The following TMEM170A variants were observed in gnomAD, a reference collection of about 807,000 sequenced individuals.
TMEM170A encodes the protein transmembrane protein 170.
In TMEM170A, 18 loss-of-function variants were observed where a neutral mutation model predicts 12.8. The ratio of observed to expected loss-of-function variants is 1.41; its 90% confidence interval spans 0.97 to 2.09. The LOEUF (loss-of-function observed/expected upper bound fraction) is 2.09. Ranked by LOEUF, TMEM170A falls within the 30% of genes most tolerant of loss-of-function variation. TMEM170A has a pLI of 0.00. For missense variants in TMEM170A, 220 were observed against 179.9 expected (o/e 1.22, Z -1.28); for synonymous variants, 107 against 76.2 (o/e 1.40, Z -2.11).
rs965020303 is a variant in TMEM170A at position 75,464,666 on chromosome 16, A to C, written c.-66T>G. 5 of 1,524,916 alleles carry C rather than the reference A, an allele frequency of 3.3e-6. No homozygotes were observed. The highest frequency in any genetic ancestry group is 2.9e-5 in the African/African-American group (2 of 69,326). 94.5% of individuals were successfully genotyped at this position (1,524,916 alleles called of 1,614,324 possible). A position where few individuals can be genotyped will look rare whatever the true frequency, so the allele number is the denominator to read the frequency against. On this transcript the variant is annotated 5_prime_UTR_variant, in exon 1 of 3. Coordinates refer to ENST00000561878, the MANE Select transcript of TMEM170A (RefSeq NM_145254.3). Reference sequence around the variant, plus strand: ...CGAAGTGCGGTAGCGGCCGGCGCCGACTCACCCTCGCCGCCTCAGCGTCAC... The same window carrying C: ...CGAAGTGCGGTAGCGGCCGGCGCCGCCTCACCCTCGCCGCCTCAGCGTCAC...
Position 75,464,513 on chromosome 16 carries a change from T to C in TMEM170A, c.88A>G (p.Asn30Asp), listed in dbSNP as rs375906140. The C allele has an allele frequency of 4.5e-5, 71 of 1,585,550 alleles. No individual in the cohort carries two copies. The highest frequency in any genetic ancestry group is 5.7e-5 in the Non-Finnish European group (67 of 1,168,632). Residue 30 changes from asparagine to aspartate, a missense_variant, in exon 1 of 3, where the codon AAC becomes GAC. Physicochemically the swap from Asn to Asp is conservative, Grantham distance 23. Transcript: ENST00000561878. ...LSLKVVPRVG[N>D]GTLCPNSTSL... The stretch of plus-strand genomic sequence containing the variant: ...GTAGAGTTGGGGCACAGGGTCCCGT[T>C]GCCCACCCGCGGCACAACCTTCAGG...
rs1483993079 is a variant in TMEM170A, at chr16:75,443,125, A to G, written c.*4433T>C. ...ATCATAAATTAGTAAGAAGTAGAAC[A>G]TAAAAAAAGTTACACATGCTAGATA... On this transcript the variant is annotated 3_prime_UTR_variant, in exon 3 of 3. Coordinates refer to ENST00000561878, the MANE Select transcript of TMEM170A (RefSeq NM_145254.3). 1 of 152,210 alleles carries G rather than the reference A, an allele frequency of 6.6e-6. No individual in the cohort carries two copies. The highest frequency in any genetic ancestry group is 1.5e-5 in the Non-Finnish European group (1 of 68,036). The allele number at this position is 152,210 out of a possible 1,614,324, so 9.4% of individuals were successfully genotyped here.
chr16:75,455,387 T>C (rs1209352501), intron 1 of TMEM170A, among the ~76,000 whole-genome samples: 1 of 147,670 alleles, frequency 6.8e-6, no homozygotes, highest in African/African-American at 2.5e-5. Context: ...AATAGATGTA[T>C]ATATACTGAA....
At chr16:75,464,401 G>C (rs1017229854) in intron 1 of TMEM170A, 67 bp downstream of exon 1, 26 of 1,383,748 alleles carry the variant, frequency 1.9e-5, no homozygotes, top group Non-Finnish European at 1.7e-5. Context: ...GCCCAGACTC[G>C]GGGCGCCCAC....
intron 1 of TMEM170A, among the ~76,000 whole-genome samples, chr16:75,454,483 A>ACAC (rs1567700550): frequency 1.5e-4 from 16 of 108,036 alleles, no homozygotes; most frequent in African/African-American, 4.9e-4. Context: ...CACACACACA[A>ACAC]AATTAGCCGG....
chr16:75,454,157 G>C (rs989300714), intron 1 of TMEM170A, among the ~76,000 whole-genome samples: 2 of 133,958 alleles, frequency 1.5e-5, no homozygotes, highest in African/African-American at 5.0e-5. Context: ...TTTTCATTGT[G>C]GGGGCTGCAC....
intron 1 of TMEM170A, among the ~76,000 whole-genome samples, chr16:75,453,858 C>G (rs1477525946): frequency 1.3e-5 from 2 of 152,152 alleles, no homozygotes; most frequent in Non-Finnish European, 2.9e-5. Flanking sequence ...ATGAGGCACC[C>G]ATATAAAGAA....
Position 75,446,340 on chromosome 16 carries a change from TCA to T in TMEM170A, c.*1216_*1217del, listed in dbSNP as rs2079586450. The T allele has an allele frequency of 1.3e-5, 2 of 152,086 alleles. No individual in the cohort carries two copies. The highest frequency in any genetic ancestry group is 6.6e-5 in the Admixed American group (1 of 15,266). The allele number at this position is 152,086 out of a possible 1,614,324, so 9.4% of individuals were successfully genotyped here. On this transcript the variant is annotated 3_prime_UTR_variant, in exon 3 of 3. Coordinates refer to ENST00000561878, the MANE Select transcript of TMEM170A (RefSeq NM_145254.3). The stretch of plus-strand genomic sequence containing the variant: ...CTGCGATTCTTTCCCTCTCAAAGAG[TCA>T]CAGTTTTCAGGCCTTTTAATGAAAA...
At chr16:75,449,030 C>T (rs917919094) in intron 2 of TMEM170A, among the ~76,000 whole-genome samples, 35 of 151,552 alleles carry the variant, frequency 2.3e-4, no homozygotes, top group African/African-American at 7.7e-4. Context: ...CACTGCACTC[C>T]AGCCTGGGTG....
At chr16:75,464,355 GC>G (rs2079959953) in intron 1 of TMEM170A, 112 bp downstream of exon 1, 1 of 1,385,898 alleles carries the variant, frequency 7.2e-7, no homozygotes, top group African/African-American at 1.5e-5. Context: ...GGAGGACAGC[GC>G]CCACGCCGCC....
intron 2 of TMEM170A, among the ~76,000 whole-genome samples, chr16:75,448,402 T>C (rs1306130692): frequency 6.6e-6 from 1 of 152,148 alleles, no homozygotes; most frequent in African/African-American, 2.4e-5. Flanking sequence ...CCCATTTGAG[T>C]TACTATACGA....
intron 1 of TMEM170A, among the ~76,000 whole-genome samples, chr16:75,454,400 C>T (rs1024981331): frequency 1.1e-4 from 16 of 152,016 alleles, no homozygotes; most frequent in African/African-American, 3.6e-4. Context: ...GGGCTAATCA[C>T]GAGGTCAGGA....
At chr16:75,462,068 G>C (rs1010810630) in intron 1 of TMEM170A, among the ~76,000 whole-genome samples, 9 of 152,126 alleles carry the variant, frequency 5.9e-5, no homozygotes, top group Non-Finnish European at 1.2e-4. Context: ...AACCCTTACA[G>C]TAGAGAGTTC....
chr16:75,458,274 A>G (rs1012834453), intron 1 of TMEM170A: 1 of 152,218 alleles, frequency 6.6e-6, no homozygotes, highest in Non-Finnish European at 1.5e-5. Flanking sequence ...GATATTGGAA[A>G]ATGAGATTAA....
chr16:75,451,591 A>G (rs768325043), intron 2 of TMEM170A, 78 bp downstream of exon 2: 2 of 1,471,420 alleles, frequency 1.4e-6, no homozygotes, highest in Admixed American at 1.7e-5. Flanking sequence ...TCCTACTCAG[A>G]TATGTTTTCT....
chr16:75,456,664 G>C (rs2079803804), intron 1 of TMEM170A, among the ~76,000 whole-genome samples: 1 of 152,198 alleles, frequency 6.6e-6, no homozygotes, highest in African/African-American at 2.4e-5. Flanking sequence ...TCGCTGCCCA[G>C]AGACGCACCC....
At position 75,445,450 on chromosome 16, in the gene TMEM170A, C is replaced by A. The variant is rs183188704; in HGVS notation, c.*2108G>T. 1.1e-3 allele frequency: 170 copies of A among 152,228 alleles called. 1 individual carries two copies. The highest frequency in any genetic ancestry group is 2.7e-3 in the South Asian group (13 of 4,820). The allele number at this position is 152,228 out of a possible 1,614,324, so 9.4% of individuals were successfully genotyped here. A position where few individuals can be genotyped will look rare whatever the true frequency, so the allele number is the denominator to read the frequency against. ...TTAGCCTCTTGGGTAGCTGAGGCCACGCCCAGCTAATTTTTTTTTATTTTG... is the reference window on the plus strand; with the variant it reads ...TTAGCCTCTTGGGTAGCTGAGGCCAAGCCCAGCTAATTTTTTTTTATTTTG... On this transcript the variant is annotated 3_prime_UTR_variant, in exon 3 of 3. Coordinates refer to ENST00000561878, the MANE Select transcript of TMEM170A (RefSeq NM_145254.3).
chr16:75,450,124 C>G (rs529055084), intron 2 of TMEM170A, among the ~76,000 whole-genome samples: 1 of 150,572 alleles, frequency 6.6e-6, no homozygotes, highest in South Asian at 2.1e-4. Context: ...CAGAGGGTCT[C>G]CAAAGCAGCA....
intron 2 of TMEM170A, chr16:75,451,468 G>C: frequency 1.6e-6 from 1 of 617,620 alleles, no homozygotes; most frequent in South Asian, 2.0e-5. Flanking sequence ...AGGATTACTT[G>C]AGCCCAAGAG....
Sources: gnomAD v4.1 joint callset for allele counts (sites outside exome capture counted in the v4.1 genomes callset) on GRCh38, gnomAD v4.1.1 for gene constraint, MANE v1.5 for transcripts, NCBI Gene and HGNC (gene_info 2026-07-23, HGNC 2026-07-21) for gene names.